The following CDC42EP3 variants were observed in gnomAD, a reference collection of about 807,000 sequenced individuals.
CDC42EP3 encodes CDC42 effector protein 3, also known as CDC42 effector protein (Rho GTPase binding) 3.
A neutral mutation model predicts 15.5 loss-of-function variants in CDC42EP3; 4 were observed. The observed-to-expected ratio is 0.26, with a 90% CI of 0.13 to 0.59. The LOEUF (loss-of-function observed/expected upper bound fraction) is 0.59, where lower values mean the gene tolerates loss of function less well. CDC42EP3 is among the 20% of genes least tolerant of loss of function. The probability of loss-of-function intolerance (pLI) is 0.89; values close to 1 mark genes in which losing one functional copy is unlikely to be tolerated. For missense variants in CDC42EP3, 309 were observed against 311.2 expected, an observed-to-expected ratio of 0.99 and a Z score of 0.05; for synonymous variants, 145 against 130.3, an observed-to-expected ratio of 1.11 and a Z score of -0.77.
At chr2:37,661,407 A>G (rs1046628020) in intron 1 of CDC42EP3, among the ~76,000 whole-genome samples, 1 of 152,166 alleles carries the variant, frequency 6.6e-6, no homozygotes, top group Non-Finnish European at 1.5e-5. Context: ...AGGGCAAGTG[A>G]CTTGGAAGAC....
At chr2:37,665,817 T>C (rs1666231426) in intron 1 of CDC42EP3, among the ~76,000 whole-genome samples, 1 of 151,802 alleles carries the variant, frequency 6.6e-6, no homozygotes, top group Non-Finnish European at 1.5e-5. Context: ...CTTACATTAT[T>C]AGTAGTAAGA....
chr2:37,664,710 C>T (rs1287573159), intron 1 of CDC42EP3, among the ~76,000 whole-genome samples: 1 of 152,200 alleles, frequency 6.6e-6, no homozygotes, highest in Admixed American at 6.5e-5. Context: ...GAGATTCAGT[C>T]CCTATCCTTG....
chr2:37,659,943 G>C (rs770946806), intron 1 of CDC42EP3, among the ~76,000 whole-genome samples: 7 of 152,184 alleles, frequency 4.6e-5, no homozygotes, highest in Non-Finnish European at 7.3e-5. Context: ...TGGCCTGAGC[G>C]GGGGAAGAGC....
Position 37,645,997 on chromosome 2 carries a change from G to A in CDC42EP3, c.591C>T (p.Pro197=), listed in dbSNP as rs756248339. 14 of 1,613,914 alleles carry A rather than the reference G, an allele frequency of 8.7e-6. No homozygotes were observed. Among genetic ancestry groups the A allele is most frequent in the Admixed American group, 8.3e-5 (5 of 60,022 alleles). ...SHSSSLSEQY[P]DWPAEDMFDH... ...CAAACATGTCCTCGGCTGGCCAGTC[G>A]GGGTACTGTTCGGACAGGCTGGAGG... The change falls in exon 2 of 2, where the codon CCC becomes CCT. Residue 197 remains proline, a synonymous_variant. Transcript: ENST00000295324.
At chr2:37,665,732 G>C (rs1227768061) in intron 1 of CDC42EP3, among the ~76,000 whole-genome samples, 1 of 152,184 alleles carries the variant, frequency 6.6e-6, no homozygotes, top group African/African-American at 2.4e-5. Context: ...GCCTGACTTG[G>C]AAGTTCCCTG....
intron 1 of CDC42EP3, among the ~76,000 whole-genome samples, chr2:37,655,078 T>G (rs1665806080): frequency 1.3e-5 from 2 of 152,216 alleles, no homozygotes; most frequent in African/African-American, 4.8e-5. Flanking sequence ...GCCTTTTCTA[T>G]TTTTAGATTC....
chr2:37,665,750 C>T (rs563164457), intron 1 of CDC42EP3, among the ~76,000 whole-genome samples: 19 of 151,580 alleles, frequency 1.3e-4, no homozygotes, highest in African/African-American at 3.4e-4. Context: ...CTGCCTTCCA[C>T]GCTTGCTCAG....
intron 1 of CDC42EP3, among the ~76,000 whole-genome samples, chr2:37,658,306 AT>A (rs1424220954): frequency 6.6e-6 from 1 of 152,128 alleles, no homozygotes; most frequent in Non-Finnish European, 1.5e-5. Flanking sequence ...TGACCAACAG[AT>A]TTTTTTCTTA....
intron 1 of CDC42EP3, among the ~76,000 whole-genome samples, chr2:37,658,389 C>G (rs898833908): frequency 6.6e-6 from 1 of 152,160 alleles, no homozygotes; most frequent in African/African-American, 2.4e-5. Flanking sequence ...GTGGCCCAAG[C>G]TCCATATTCC....
rs372292899 is a variant in CDC42EP3, at chr2:37,656,245, C to A, written c.-235-9423G>T. On this transcript the variant is annotated intron_variant, in intron 1 of 1. Transcript: ENST00000295324. ...TCTACTTCCACTACCAACATCCTTG[C>A]GTTATTTGTATATGTGTTACTACAA... 7.9e-5 allele frequency among the ~76,000 whole-genome samples: 12 copies of A among 152,222 alleles called. 1 individual carries two copies. In the South Asian group the frequency reaches 2.3e-3, roughly 29 times the overall value.
chr2:37,652,594 T>A (rs943882233), intron 1 of CDC42EP3, among the ~76,000 whole-genome samples: 12 of 151,960 alleles, frequency 7.9e-5, no homozygotes, highest in Non-Finnish European at 4.4e-5. Flanking sequence ...AAGGGTCAAG[T>A]CATGTGGTCA....
chr2:37,645,671 CAG>C lies in CDC42EP3; in HGVS notation c.*150_*151del, dbSNP rs1387516606. The C allele has an allele frequency of 1.9e-5, 11 of 581,864 alleles. No individual in the cohort carries two copies. The highest frequency in any genetic ancestry group is 3.1e-5 in the Non-Finnish European group (11 of 359,254). The allele number at this position is 581,864 out of a possible 1,614,324, so 36.0% of individuals were successfully genotyped here. A position where few individuals can be genotyped will look rare whatever the true frequency, so the allele number is the denominator to read the frequency against. ...TTTTTTTCTAAATTGTTTTTGCAAA[CAG>C]GGCATAACAGGTAAAAAAATACTTT... On this transcript the variant is annotated 3_prime_UTR_variant, in exon 2 of 2. Coordinates refer to ENST00000295324, the MANE Select transcript of CDC42EP3 (RefSeq NM_006449.5).
chr2:37,666,267 G>C (rs1250504690), intron 1 of CDC42EP3, among the ~76,000 whole-genome samples: 1 of 152,166 alleles, frequency 6.6e-6, no homozygotes, highest in Non-Finnish European at 1.5e-5. Flanking sequence ...AGAAACTCTG[G>C]ACACGACCTC....
intron 1 of CDC42EP3, among the ~76,000 whole-genome samples, chr2:37,670,283 G>C (rs1572531437): frequency 6.6e-6 from 1 of 152,230 alleles, no homozygotes; most frequent in South Asian, 2.1e-4. Flanking sequence ...GTACTCCCAA[G>C]AAACTCTTGG....
chr2:37,664,453 T>A (rs1299515872), intron 1 of CDC42EP3, among the ~76,000 whole-genome samples: 3 of 152,200 alleles, frequency 2.0e-5, no homozygotes, highest in Non-Finnish European at 4.4e-5. Flanking sequence ...CAGCCTATTA[T>A]GGGATTTCAC....
intron 1 of CDC42EP3, among the ~76,000 whole-genome samples, chr2:37,670,464 C>G (rs1666373189): frequency 6.6e-6 from 1 of 151,636 alleles, no homozygotes; most frequent in Admixed American, 6.6e-5. Flanking sequence ...CCTGACATTC[C>G]TCATTTTAAT....
intron 1 of CDC42EP3, among the ~76,000 whole-genome samples, chr2:37,655,600 C>A (rs1198818625): frequency 2.0e-5 from 3 of 152,152 alleles, no homozygotes; most frequent in Non-Finnish European, 2.9e-5. Context: ...ATGCCTGGTT[C>A]ATTTATCAGG....
Position 37,642,156 on chromosome 2 carries a change from A to T in CDC42EP3, c.*3667T>A, listed in dbSNP as rs1033342577. On this transcript the variant is annotated 3_prime_UTR_variant, in exon 2 of 2. Transcript: ENST00000295324. ...AGCTTGCTGGATGAAATAGTGCACCATCAGAATAAAGCATGCAATATATTT... is the reference window on the plus strand; with the variant it reads ...AGCTTGCTGGATGAAATAGTGCACCTTCAGAATAAAGCATGCAATATATTT... 1.3e-5 allele frequency: 2 copies of T among 152,254 alleles called. No homozygotes were observed. The highest frequency in any genetic ancestry group is 3.8e-4 in the East Asian group (2 of 5,204). 9.4% of individuals were successfully genotyped at this position (152,254 alleles called of 1,614,324 possible). A position where few individuals can be genotyped will look rare whatever the true frequency, so the allele number is the denominator to read the frequency against.
upstream of CDC42EP3, chr2:37,672,208 G>C (rs1666456491): frequency 6.6e-6 from 1 of 152,094 alleles, no homozygotes; most frequent in Non-Finnish European, 1.5e-5. Context: ...CGGAGGGGGA[G>C]GGTCGCGTTC....
Sources: allele counts gnomAD v4.1 joint callset (sites outside exome capture counted in the v4.1 genomes callset), GRCh38; gene constraint gnomAD v4.1.1; transcripts MANE v1.5; gene names NCBI Gene and HGNC (gene_info 2026-07-23, HGNC 2026-07-21).